PCDHA11: variants seen among roughly 807,000 people sequenced by gnomAD.
PCDHA11 encodes the protein protocadherin alpha 11.
Under a neutral mutation model 70.3 loss-of-function variants are expected in PCDHA11, and 61 were observed. The ratio of observed to expected loss-of-function variants is 0.87; its 90% CI spans 0.71 to 1.07. The LOEUF is 1.07. Among genes scored for constraint, PCDHA11 ranks in the 50% least tolerant of loss-of-function variants. The pLI, the probability that PCDHA11 is intolerant of heterozygous loss-of-function variation, is 0.00. For synonymous variants in PCDHA11, 633 were observed against 555.1 expected, an observed-to-expected ratio of 1.14 and a Z score of -1.97; for missense variants, 1,324 against 1,237.5, an observed-to-expected ratio of 1.07 and a Z score of -1.05.
At chr5:140,908,822 C>G (rs2074167872) in intron 1 of PCDHA11, among the ~76,000 whole-genome samples, 1 of 152,136 alleles carries the variant, frequency 6.6e-6, no homozygotes, top group African/African-American at 2.4e-5. Flanking sequence ...TTTTGGGTTA[C>G]TCGATAAATG....
chr5:140,941,191 T>TTTTTTTTC (rs1554213809), intron 1 of PCDHA11, among the ~76,000 whole-genome samples: 21 of 93,258 alleles, frequency 2.3e-4, no homozygotes, highest in African/African-American at 5.9e-4. Flanking sequence ...GCTTCTTTTT[T>TTTTTTTTC]TTTCTTTCTT....
chr5:140,969,281 A>C, intron 1 of PCDHA11: 5 of 1,614,220 alleles, frequency 3.1e-6, no homozygotes, highest in Non-Finnish European at 3.4e-6. Context: ...AAGTGGTCAG[A>C]ATGCTGGGAA....
At chr5:140,877,192 G>A in intron 1 of PCDHA11, 2 of 1,613,846 alleles carry the variant, frequency 1.2e-6, no homozygotes, top group Non-Finnish European at 1.7e-6. Flanking sequence ...TGGCAGCGCA[G>A]GAGGCGCAGT....
chr5:140,999,480 A>G, intron 3 of PCDHA11, among the ~76,000 whole-genome samples: 1 of 152,176 alleles, frequency 6.6e-6, no homozygotes, highest in East Asian at 1.9e-4. Flanking sequence ...ATTCCAACTC[A>G]AGTCTATGTT....
chr5:140,956,540 G>A (rs1356910892), intron 1 of PCDHA11, among the ~76,000 whole-genome samples: 1 of 152,186 alleles, frequency 6.6e-6, no homozygotes, highest in Non-Finnish European at 1.5e-5. Context: ...TGTGCTGCTG[G>A]ATTTGGTTTG....
rs189687890 is a variant in PCDHA11 at position 140,972,728 on chromosome 5, A to G, written c.2392-6221A>G. ...TGCCAGGCTGGAGTGCAGTGGCGTA[A>G]TCCCGGCTCACTGCAACCTCCGCCT... On this transcript the variant is annotated intron_variant, in intron 1 of 3. Transcript: ENST00000398640. Among the ~76,000 whole-genome samples the G allele has an allele frequency of 6.0e-3, 882 of 147,958 alleles. 8 individuals carry two copies. Among genetic ancestry groups the G allele is most frequent in the African/African-American group, 0.021 (847 of 39,742 alleles).
intron 1 of PCDHA11, chr5:140,876,718 G>T (rs1554168825): frequency 1.9e-6 from 3 of 1,614,124 alleles, no homozygotes; most frequent in African/African-American, 1.3e-5. Flanking sequence ...CCTGGACCGC[G>T]AGAGCGTGTC....
intron 1 of PCDHA11, among the ~76,000 whole-genome samples, chr5:140,934,646 T>C (rs1554210032): frequency 6.6e-6 from 1 of 152,116 alleles, no homozygotes; most frequent in African/African-American, 2.4e-5. Flanking sequence ...GCAGGATAAA[T>C]GTTTGATTCT....
At chr5:140,935,203 A>G (rs1403808889) in intron 1 of PCDHA11, among the ~76,000 whole-genome samples, 1 of 152,160 alleles carries the variant, frequency 6.6e-6, no homozygotes, top group Non-Finnish European at 1.5e-5. Flanking sequence ...GTTTCTAGGT[A>G]TCTTCAGCTA....
At chr5:140,902,257 C>T (rs1450183542) in intron 1 of PCDHA11, among the ~76,000 whole-genome samples, 2 of 140,176 alleles carry the variant, frequency 1.4e-5, no homozygotes, top group South Asian at 2.2e-4. Context: ...AGGCTGGTCT[C>T]GAACTCCTGG....
chr5:140,982,120 T>C (rs1554243763), intron 2 of PCDHA11, among the ~76,000 whole-genome samples: 1 of 152,256 alleles, frequency 6.6e-6, no homozygotes, highest in Non-Finnish European at 1.5e-5. Context: ...CTTGGAACTT[T>C]TGAGAACAAG....
chr5:140,899,717 C>T (rs2153464993), intron 1 of PCDHA11, among the ~76,000 whole-genome samples: 1 of 152,322 alleles, frequency 6.6e-6, no homozygotes, highest in South Asian at 2.1e-4. Context: ...GGAGGATTCC[C>T]TCTTTTTCTA....
At chr5:140,888,753 AC>A (rs1372547782) in intron 1 of PCDHA11, among the ~76,000 whole-genome samples, 1 of 149,022 alleles carries the variant, frequency 6.7e-6, no homozygotes, top group African/African-American at 2.5e-5. Context: ...TATTCTACCC[AC>A]TTTTTTTTTT....
intron 1 of PCDHA11, among the ~76,000 whole-genome samples, chr5:140,902,641 G>T (rs2069615645): frequency 6.6e-6 from 1 of 152,080 alleles, no homozygotes; most frequent in Non-Finnish European, 1.5e-5. Context: ...TGATTTCTGA[G>T]ATTTTGGTGC....
chr5:140,954,181 T>C (rs1342526768), intron 1 of PCDHA11, among the ~76,000 whole-genome samples: 1 of 152,234 alleles, frequency 6.6e-6, no homozygotes, highest in Non-Finnish European at 1.5e-5. Flanking sequence ...ATCCAGTCTA[T>C]CATTGATGGG....
intron 1 of PCDHA11, chr5:140,926,592 C>T: frequency 3.3e-6 from 1 of 298,858 alleles, no homozygotes; most frequent in Non-Finnish European, 6.1e-6. Flanking sequence ...CGCGCCCGGG[C>T]GGGCGGCCTC....
At chr5:140,894,133 A>G (rs782349927) in intron 1 of PCDHA11, among the ~76,000 whole-genome samples, 14 of 152,166 alleles carry the variant, frequency 9.2e-5, no homozygotes, top group Non-Finnish European at 1.8e-4. Flanking sequence ...ATAACTTGAA[A>G]TAATTCCCTT....
At chr5:140,892,265 T>A (rs1285445395) in intron 1 of PCDHA11, among the ~76,000 whole-genome samples, 3 of 152,240 alleles carry the variant, frequency 2.0e-5, no homozygotes, top group African/African-American at 7.2e-5. Context: ...GATTTTGTGC[T>A]GAAAGTTGTA....
rs146522449 is a variant in PCDHA11, at chr5:140,877,816, G to A, written c.2391+6322G>A. ...CCCAAGCCTTCAGCTGTCTCGAGAA[G>A]ATTGTTTAAATCCTCCCAGTGAAGT... On this transcript the variant is annotated intron_variant, in intron 1 of 3. Coordinates refer to ENST00000398640, the MANE Select transcript of PCDHA11 (RefSeq NM_018902.5). The A allele has an allele frequency of 2.8e-3, 4,449 of 1,609,310 alleles. 21 individuals carry two copies. Among genetic ancestry groups the A allele is most frequent in the African/African-American group, 0.01 (772 of 74,842 alleles).
Sources: gnomAD v4.1 joint callset for allele counts (sites outside exome capture counted in the v4.1 genomes callset) on GRCh38, gnomAD v4.1.1 for gene constraint, MANE v1.5 for transcripts, NCBI Gene and HGNC (gene_info 2026-07-23, HGNC 2026-07-21) for gene names.